Variants in WIZ observed in about 807,000 individuals in gnomAD.
WIZ encodes the protein protein Wiz.
Under a neutral mutation model 140.2 loss-of-function variants are expected in WIZ, and 25 were observed. The observed-to-expected ratio is 0.18, with a 90% CI of 0.13 to 0.25. WIZ has a LOEUF of 0.25. Among genes scored for constraint, WIZ ranks in the 10% least tolerant of loss-of-function variants. The pLI is 1.00. For synonymous variants in WIZ, 1,125 were observed against 1,154.3 expected, an observed-to-expected ratio of 0.97 and a Z score of 0.51; for missense variants, 2,231 against 2,632.6, an observed-to-expected ratio of 0.85 and a Z score of 3.34.
chr19:15,420,213 GGATA>G lies in WIZ; in HGVS notation c.*2859_*2862del, dbSNP rs1431596763. The G allele has an allele frequency of 6.6e-6, 1 of 152,194 alleles. No homozygotes were observed. The highest frequency in any genetic ancestry group is 2.4e-5 in the African/African-American group (1 of 41,432). 9.4% of individuals were successfully genotyped at this position (152,194 alleles called of 1,614,324 possible). A position where few individuals can be genotyped will look rare whatever the true frequency, so the allele number is the denominator to read the frequency against. On this transcript the variant is annotated 3_prime_UTR_variant, in exon 13 of 13. Transcript: ENST00000673675. ...AAGACATTGGTCATGGGTTGGTGATGGATAGATGAGAGTCCATTTTACTGTTTGC... is the reference window on the plus strand; with the variant it reads ...AAGACATTGGTCATGGGTTGGTGATGGATGAGAGTCCATTTTACTGTTTGC...
chr19:15,423,851 T>C (rs1968534790), intron 12 of WIZ, among the ~76,000 whole-genome samples: 1 of 152,240 alleles, frequency 6.6e-6, no homozygotes, highest in Non-Finnish European at 1.5e-5. Flanking sequence ...TTCTGAGTGC[T>C]TTATAAATAT....
Position 15,424,164 on chromosome 19 carries a change from T to A in WIZ, c.5510+19A>T, listed in dbSNP as rs751632665. 6.7e-7 allele frequency: 1 copy of A among 1,485,452 alleles called. No individual in the cohort carries two copies. Among genetic ancestry groups the A allele is most frequent in the African/African-American group, 1.4e-5 (1 of 69,526 alleles). 92.0% of individuals were successfully genotyped at this position (1,485,452 alleles called of 1,614,324 possible). A position where few individuals can be genotyped will look rare whatever the true frequency, so the allele number is the denominator to read the frequency against. On this transcript the variant is annotated intron_variant, in intron 12 of 12. Coordinates refer to ENST00000673675, the MANE Select transcript of WIZ (RefSeq NM_001371589.1). The surrounding 1 kb of genome is among the most constrained non-coding windows in gnomAD (Gnocchi z 9.7). ...GGTCCACTCAGGTGGTCTCCCTCCC[T>A]CCCCCAGGGGCAGCCTACCTGCATT...
rs760188120 is a variant in WIZ, at chr19:15,424,691, C to T, written c.5236G>A (p.Asp1746Asn). Residue 1746 changes from aspartate to asparagine, a missense_variant, in exon 11 of 13, where the codon GAC becomes AAC. Physicochemically the swap from Asp to Asn is conservative, Grantham distance 23 (BLOSUM62 1). This residue lies in a region of WIZ where 299 missense variants were observed against 309.6 expected (regional missense o/e 0.97). Coordinates refer to ENST00000673675, the MANE Select transcript of WIZ (RefSeq NM_001371589.1). The surrounding 1 kb of genome is among the most constrained non-coding windows in gnomAD (Gnocchi z 9.7). ...EPGPEAGRAA[D>N]GGERPLAASP... Reference sequence around the variant, plus strand: ...GCTGCCAGAGGCCGCTCACCACCGTCGGCTGCCCGGCCAGCCTCGGGCCCT... The same window carrying T: ...GCTGCCAGAGGCCGCTCACCACCGTTGGCTGCCCGGCCAGCCTCGGGCCCT... 31 of 1,585,568 alleles carry T rather than the reference C, an allele frequency of 2.0e-5. No individual in the cohort carries two copies. The highest frequency in any genetic ancestry group is 1.9e-4 in the African/African-American group (14 of 74,330).
rs1365794341 is a variant in WIZ at position 15,424,072 on chromosome 19, A to T, written c.5510+111T>A. On this transcript the variant is annotated intron_variant, in intron 12 of 12. Coordinates refer to ENST00000673675, the MANE Select transcript of WIZ (RefSeq NM_001371589.1). The surrounding 1 kb of genome is among the most constrained non-coding windows in gnomAD (Gnocchi z 9.7). ...CCTGAGCCCCACCACACCCAAGGGC[A>T]GCCACTGAGGCGACACCTCCCAGCT... 2 of 1,018,970 alleles carry T rather than the reference A, an allele frequency of 2.0e-6. No homozygotes were observed. Among genetic ancestry groups the T allele is most frequent in the Non-Finnish European group, 2.7e-6 (2 of 734,616 alleles). 63.1% of individuals were successfully genotyped at this position (1,018,970 alleles called of 1,614,324 possible).
chr19:15,431,257 C>T, intron 5 of WIZ, 75 bp from the exon 6 acceptor site: 1 of 1,410,238 alleles, frequency 7.1e-7, no homozygotes, highest in Non-Finnish European at 9.3e-7. Flanking sequence ...AGATGGCCTT[C>T]TTCCTTATCC....
In WIZ at chr19:15,432,329, A is replaced by AG. The variant is rs1054711531; in HGVS notation, c.2741-1148dup. On this transcript the variant is annotated intron_variant, in intron 5 of 12. Transcript: ENST00000673675. ...CCCACACAACTAAAGGGCCTGGGGG[A>AG]GGGGGGGGTCCCGCAGACTGGACGG... 868 of 565,718 alleles carry AG rather than the reference A, an allele frequency of 1.5e-3. 1 individual carries two copies. The highest frequency in any genetic ancestry group is 5.2e-3 in the Admixed American group (81 of 15,588). 35.0% of individuals were successfully genotyped at this position (565,718 alleles called of 1,614,324 possible). A position where few individuals can be genotyped will look rare whatever the true frequency, so the allele number is the denominator to read the frequency against.
intron 2 of WIZ, among the ~76,000 whole-genome samples, chr19:15,447,883 T>C (rs114852492): frequency 0.014 from 2,113 of 152,304 alleles, 56 homozygotes; most frequent in African/African-American, 0.048. Flanking sequence ...CCCAGCTCCA[T>C]ACCACCCAGT....
chr19:15,429,918 G>C lies in WIZ; in HGVS notation c.3083C>G (p.Ala1028Gly). Reference protein sequence around the residue: ...ELVKQKGLPDAHLGLPPGLAK... With the variant: ...ELVKQKGLPDGHLGLPPGLAK... ...CAGGCCTGGGGGCAGCCCAAGGTGG[G>C]CGTCAGGCAGACCCTTCTGCTTCAC... Residue 1028 changes from alanine (A) to glycine (G), a missense_variant, in exon 7 of 13, where the codon GCC becomes GGC. Transcript: ENST00000673675. 1.3e-6 allele frequency: 2 copies of C among 1,536,026 alleles called. No homozygotes were observed. Among genetic ancestry groups the C allele is most frequent in the African/African-American group, 2.7e-5 (2 of 73,170 alleles).
Position 15,440,069 on chromosome 19 carries a change from C to G in WIZ, c.925G>C (p.Asp309His). ...CATGGGAACACGGCCGGCTCCTCGT[C>G]CTCGTCCTCATCTGGGCTGGCCACC... ...EGVASPDEDEDEEPAVFPCIE... is the reference protein window; with the variant it reads ...EGVASPDEDEHEEPAVFPCIE... Residue 309 changes from aspartate to histidine, a missense_variant, in exon 4 of 13, where the codon GAC becomes CAC. Transcript: ENST00000673675. The surrounding 1 kb of genome is among the most constrained non-coding windows in gnomAD (Gnocchi z 6.2). 3 of 1,535,814 alleles carry G rather than the reference C, an allele frequency of 2.0e-6. No individual in the cohort carries two copies. Among genetic ancestry groups the G allele is most frequent in the Non-Finnish European group, 2.6e-6 (3 of 1,146,752 alleles).
intron 5 of WIZ, chr19:15,433,413 C>T (rs928205732): frequency 1.0e-6 from 1 of 956,768 alleles, no homozygotes; most frequent in Non-Finnish European, 1.2e-6. Context: ...AGGCTTCTAA[C>T]GACAGCCTTG....
At chr19:15,449,735 C>T (rs1010829142) in intron 1 of WIZ, 63 bp downstream of exon 1, 19 of 139,976 alleles carry the variant, frequency 1.4e-4, no homozygotes, top group African/African-American at 4.6e-4. Context: ...CGGCCCGGGG[C>T]CTCCCCCGCC....
Position 15,440,400 on chromosome 19 carries a change from G to C in WIZ, c.594C>G (p.Asp198Glu). The C allele has an allele frequency of 6.5e-7, 1 of 1,535,684 alleles. No homozygotes were observed. The highest frequency in any genetic ancestry group is 8.7e-7 in the Non-Finnish European group (1 of 1,146,622). The change falls in exon 4 of 13, where the codon GAC becomes GAG. Residue 198 changes from aspartate to glutamate, a missense_variant. Physicochemically the swap from Asp to Glu is conservative, Grantham distance 45. Transcript: ENST00000673675. This position sits in a 1 kb window ranked among gnomAD's most constrained non-coding sequence, Gnocchi z 6.2. The part of the protein sequence containing the change: ...QDEDEQGSPQ[D>E]AGLHLDLPAQ... ...CAGGCAGGTCCAAGTGCAGCCCTGC[G>C]TCCTGGGGGGATCCCTGCTCGTCCT...
intron 5 of WIZ, among the ~76,000 whole-genome samples, chr19:15,433,937 G>T (rs2145324073): frequency 6.6e-6 from 1 of 152,326 alleles, no homozygotes; most frequent in Middle Eastern, 3.4e-3. Flanking sequence ...ATCTAGGTAG[G>T]ACCCCAGCAG....
At position 15,438,728 on chromosome 19, in the gene WIZ, C is replaced by G; in HGVS notation, c.2266G>C (p.Asp756His). ...HEERKCPYCP[D>H]RFHNGIGLAN... is the part of the protein sequence containing the mutation. ...AAGCCGATGCCGTTGTGGAAGCGAT[C>G]GGGGCAGTAGGGGCATTTCCGCTCC... Residue 756 changes from aspartate to histidine, a missense_variant, in exon 4 of 13, where the codon GAT becomes CAT. Coordinates refer to ENST00000673675, the MANE Select transcript of WIZ (RefSeq NM_001371589.1). The G allele has an allele frequency of 6.5e-7, 1 of 1,536,150 alleles. No individual in the cohort carries two copies. Among genetic ancestry groups the G allele is most frequent in the East Asian group, 2.4e-5 (1 of 40,920 alleles).
At chr19:15,426,025 C>A (rs536597424) in intron 9 of WIZ, among the ~76,000 whole-genome samples, 1 of 151,870 alleles carries the variant, frequency 6.6e-6, no homozygotes, top group South Asian at 2.1e-4. Context: ...ACAACCTGCT[C>A]CCTCATCTGG....
At chr19:15,433,462 CCTTA>C (rs1206308671) in intron 5 of WIZ, 2 of 583,228 alleles carry the variant, frequency 3.4e-6, no homozygotes, top group East Asian at 1.4e-4. Context: ...TGTTGCATAT[CCTTA>C]CTTAAGGCAA....
chr19:15,445,738 G>A (rs949349681), intron 2 of WIZ, among the ~76,000 whole-genome samples: 8 of 152,202 alleles, frequency 5.3e-5, no homozygotes, highest in Non-Finnish European at 1.2e-4. Context: ...AACCAGAGAG[G>A]CAGGAGCTGC....
Position 15,431,180 on chromosome 19 carries a change from G to A in WIZ, c.2743C>T (p.Leu915=), listed in dbSNP as rs749009340. The A allele has an allele frequency of 1.4e-5, 22 of 1,519,716 alleles. No homozygotes were observed. The Middle Eastern group carries it at 2.2e-3, about 151-fold the overall frequency. The allele number at this position is 1,519,716 out of a possible 1,614,324, so 94.1% of individuals were successfully genotyped here. A position where few individuals can be genotyped will look rare whatever the true frequency, so the allele number is the denominator to read the frequency against. Residue 915 remains leucine (L), a splice_region_variant and synonymous_variant, in exon 6 of 13, where the codon CTG becomes TTG. Transcript: ENST00000673675. ...EDPGPAYGDG[L]GSEENAMVAM... Reference sequence around the variant, plus strand: ...ACCATTGCGTTTTCCTCAGAACCCAGGCCTGTGGGTTGGGGAGACAGGCTC... The same window carrying A: ...ACCATTGCGTTTTCCTCAGAACCCAAGCCTGTGGGTTGGGGAGACAGGCTC...
chr19:15,438,848 G>C lies in WIZ; in HGVS notation c.2146C>G (p.Pro716Ala), dbSNP rs1214247265. The change falls in exon 4 of 13, where the codon CCC becomes GCC. Residue 716 changes from proline to alanine, a missense_variant. Pro to Ala is a conservative substitution (Grantham distance 27). This residue lies in a region of WIZ where 475 missense variants were observed against 520.2 expected (regional missense o/e 0.91). Coordinates refer to ENST00000673675, the MANE Select transcript of WIZ (RefSeq NM_001371589.1). ...PEELGLAGAHPLDFLLLDAPL... is the reference protein window; with the variant it reads ...PEELGLAGAHALDFLLLDAPL... ...GCGTCCAGGAGCAGGAAGTCCAGGG[G>C]GTGGGCGCCTGCCAGCCCCAGCTCC... 1.4e-6 allele frequency: 2 copies of C among 1,479,386 alleles called. No individual in the cohort carries two copies. The highest frequency in any genetic ancestry group is 1.8e-6 in the Non-Finnish European group (2 of 1,113,630). The allele number at this position is 1,479,386 out of a possible 1,614,324, so 91.6% of individuals were successfully genotyped here. A position where few individuals can be genotyped will look rare whatever the true frequency, so the allele number is the denominator to read the frequency against.
Sources: allele counts gnomAD v4.1 joint callset (sites outside exome capture counted in the v4.1 genomes callset), GRCh38; gene constraint gnomAD v4.1.1; regional missense constraint gnomAD v4.1.1; non-coding constraint Gnocchi (gnomAD v3.1); transcripts MANE v1.5; gene names NCBI Gene and HGNC (gene_info 2026-07-23, HGNC 2026-07-21).